The following DGKD variants were observed in gnomAD, a reference collection of about 807,000 sequenced individuals.
The protein encoded by DGKD is diacylglycerol kinase delta.
A neutral mutation model predicts 154.4 loss-of-function variants in DGKD; 68 were observed. The ratio of observed to expected loss-of-function variants is 0.44; its 90% CI spans 0.36 to 0.54. The LOEUF is 0.54. DGKD is among the 20% of genes least tolerant of loss of function. The probability of loss-of-function intolerance (pLI) is 0.00; values close to 1 mark genes in which losing one functional copy is unlikely to be tolerated. For missense variants in DGKD, 1,343 were observed against 1,593.6 expected (o/e 0.84, Z 2.68); for synonymous variants, 693 against 638.0 (o/e 1.09, Z -1.30).
chr2:233,419,001 C>T (rs1169041618), intron 3 of DGKD, among the ~76,000 whole-genome samples: 1 of 152,178 alleles, frequency 6.6e-6, no homozygotes, highest in African/African-American at 2.4e-5. Flanking sequence ...TGTCTACGCA[C>T]ATCCCAGCTG....
chr2:233,369,751 G>A (rs1214718359), intron 1 of DGKD, among the ~76,000 whole-genome samples: 1 of 152,136 alleles, frequency 6.6e-6, no homozygotes, highest in Non-Finnish European at 1.5e-5. Flanking sequence ...CTCTGGGCGG[G>A]CTCTCCCCTC....
intron 3 of DGKD, among the ~76,000 whole-genome samples, chr2:233,422,243 A>G (rs1343127744): frequency 6.6e-6 from 1 of 152,254 alleles, no homozygotes; most frequent in Non-Finnish European, 1.5e-5. Context: ...CGATTCTGAC[A>G]TCCTCTCTTC....
At chr2:233,357,452 G>C (rs1701577728) in intron 1 of DGKD, among the ~76,000 whole-genome samples, 1 of 152,120 alleles carries the variant, frequency 6.6e-6, no homozygotes, top group Non-Finnish European at 1.5e-5. Context: ...ATCTCCTAGG[G>C]ATCCTGTTAA....
intron 3 of DGKD, among the ~76,000 whole-genome samples, chr2:233,423,071 G>GGTTGATGGGT (rs1389459665): frequency 6.6e-6 from 1 of 152,196 alleles, no homozygotes; most frequent in African/African-American, 2.4e-5. Flanking sequence ...GCCTCATTGA[G>GGTTGATGGGT]GTTGATGAGT....
chr2:233,398,104 A>G (rs1237943655), intron 3 of DGKD, among the ~76,000 whole-genome samples: 1 of 107,098 alleles, frequency 9.3e-6, no homozygotes, highest in Non-Finnish European at 1.7e-5. Flanking sequence ...CGATTTTGGC[A>G]TACTTTGTAT....
intron 1 of DGKD, chr2:233,379,872 TG>T (rs1438972611): frequency 1.3e-5 from 2 of 152,180 alleles, no homozygotes; most frequent in South Asian, 4.1e-4. Flanking sequence ...GTAGTGAGAA[TG>T]GGGTAGAGAA....
At chr2:233,369,614 G>A (rs923098451) in intron 1 of DGKD, among the ~76,000 whole-genome samples, 1 of 152,154 alleles carries the variant, frequency 6.6e-6, no homozygotes, top group Admixed American at 6.5e-5. Context: ...CTGTTCTGAT[G>A]TGATGTTCCT....
chr2:233,378,162 C>G (rs905487257), intron 1 of DGKD, among the ~76,000 whole-genome samples: 2 of 151,180 alleles, frequency 1.3e-5, no homozygotes, highest in African/African-American at 4.9e-5. Flanking sequence ...GCCTGTAATC[C>G]TAGCACTTTG....
At chr2:233,423,092 G>A (rs1040606462) in intron 3 of DGKD, among the ~76,000 whole-genome samples, 3 of 152,146 alleles carry the variant, frequency 2.0e-5, no homozygotes, top group Non-Finnish European at 4.4e-5. Context: ...CTTATCAGTG[G>A]TTGTTCCTTT....
intron 10 of DGKD, among the ~76,000 whole-genome samples, chr2:233,443,720 G>C (rs548538646): frequency 2.3e-4 from 35 of 152,314 alleles, no homozygotes; most frequent in African/African-American, 8.4e-4. Context: ...GAGGAGAAGT[G>C]GTGCCGCCTG....
Position 233,435,921 on chromosome 2 carries a change from T to C in DGKD, c.690T>C (p.Asp230=). The C allele has an allele frequency of 6.2e-7, 1 of 1,607,012 alleles. No homozygotes were observed. The highest frequency in any genetic ancestry group is 1.1e-5 in the South Asian group (1 of 90,572). ...GGAAGGACATCATTGAAGATGCAGA[T>C]GGGGTATGTTAAGAAATACCACCTG... ...SIGKDIIEDA[D]GIAMPHQWLE... is the part of the protein sequence containing the mutation. The change falls in exon 6 of 30, where the codon GAT becomes GAC. Residue 230 remains aspartate, a synonymous_variant. Coordinates refer to ENST00000264057, the MANE Select transcript of DGKD (RefSeq NM_152879.3).
chr2:233,400,436 C>T (rs1251029060), intron 3 of DGKD, among the ~76,000 whole-genome samples: 1 of 152,198 alleles, frequency 6.6e-6, no homozygotes, highest in African/African-American at 2.4e-5. Context: ...ACCCAGTGCC[C>T]ACTGCCCTGT....
chr2:233,430,988 C>T (rs1315862312), intron 3 of DGKD, among the ~76,000 whole-genome samples: 2 of 151,776 alleles, frequency 1.3e-5, no homozygotes, highest in African/African-American at 4.8e-5. Context: ...AATCAAACAA[C>T]AACAAAAAAA....
At chr2:233,460,676 G>C (rs915129095) in intron 24 of DGKD, among the ~76,000 whole-genome samples, 9 of 152,152 alleles carry the variant, frequency 5.9e-5, no homozygotes, top group Non-Finnish European at 1.3e-4. Flanking sequence ...AGATCACAAG[G>C]TCAAGAGATT....
rs71058552 is a variant in DGKD at position 233,396,449 on chromosome 2, C to CCTAAGTTTCAAT, written c.348+5966_348+5967insCTAAGTTTCAAT. On this transcript the variant is annotated intron_variant, in intron 3 of 29. Transcript: ENST00000264057. ...CGTGGGCCACACACCATGCTGAGTG[C>CCTAAGTTTCAAT]GGTGGGTAGAAATGGAGAGGAGCCA... Among the ~76,000 whole-genome samples the CCTAAGTTTCAAT allele has an allele frequency of 2.0e-5, 3 of 151,748 alleles. No homozygotes were observed. The East Asian group carries it at 5.8e-4, about 29-fold the overall frequency.
chr2:233,354,565 C>G lies in DGKD; in HGVS notation c.47C>G (p.Pro16Arg), dbSNP rs956554777. 18 of 1,064,626 alleles carry G rather than the reference C, an allele frequency of 1.7e-5. No individual in the cohort carries two copies. The African/African-American group carries it at 2.9e-4, about 17-fold the overall frequency. The allele number at this position is 1,064,626 out of a possible 1,614,324, so 65.9% of individuals were successfully genotyped here. The change falls in exon 1 of 30, where the codon CCT becomes CGT. Residue 16 changes from proline to arginine, a missense_variant. This residue lies in a region of DGKD where 57 missense variants were observed against 27.8 expected (regional missense o/e 2.05). Transcript: ENST00000264057. The surrounding 1 kb of genome is among the most constrained non-coding windows in gnomAD (Gnocchi z 4.8). ...CCTCCGCCGGGTCCCCCGCAACCGC[C>G]TCCGCCGCCGCCGCCCGAGGAGTCG... ...GAPPPGPPQP[P>R]PPPPPEESSD...
chr2:233,359,670 G>A lies in DGKD; in HGVS notation c.156+4996G>A, dbSNP rs924493452. On this transcript the variant is annotated intron_variant, in intron 1 of 29. Transcript: ENST00000264057. ...TCGTTAATTTATTGAGTACTAGTGG[G>A]AATACCATGGGCTAGGTATTACATT... Among the ~76,000 whole-genome samples the A allele has an allele frequency of 2.0e-5, 3 of 152,210 alleles. No homozygotes were observed. In the South Asian group the frequency reaches 6.2e-4, roughly 32 times the overall value.
chr2:233,463,438 T>C (rs1369440245), intron 26 of DGKD, among the ~76,000 whole-genome samples: 1 of 125,504 alleles, frequency 8.0e-6, no homozygotes, highest in Non-Finnish European at 1.6e-5. Context: ...ATCTCCTCAC[T>C]CCACGCATCT....
intron 3 of DGKD, among the ~76,000 whole-genome samples, chr2:233,428,872 T>TG (rs1250703013): frequency 6.8e-6 from 1 of 146,628 alleles, no homozygotes; most frequent in Admixed American, 6.7e-5. Context: ...AAGAGGTTTT[T>TG]TTTTGTTGTT....
Sources: allele counts gnomAD v4.1 joint callset (sites outside exome capture counted in the v4.1 genomes callset), GRCh38; gene constraint gnomAD v4.1.1; regional missense constraint gnomAD v4.1.1; non-coding constraint Gnocchi (gnomAD v3.1); transcripts MANE v1.5; gene names NCBI Gene and HGNC (gene_info 2026-07-23, HGNC 2026-07-21).